Variants in PHF11 observed in about 807,000 individuals in gnomAD.
PHF11 encodes the protein BRCA1 C-terminus-associated protein.
Under a neutral mutation model 40.5 loss-of-function variants are expected in PHF11, and 38 were observed. The ratio of observed to expected loss-of-function variants is 0.94; its 90% CI spans 0.72 to 1.23. The LOEUF is 1.23. Among genes scored for constraint, PHF11 ranks in the 50% most tolerant of loss-of-function variants. PHF11 has a pLI of 0.00. For missense variants in PHF11, 369 were observed against 392.4 expected, an observed-to-expected ratio of 0.94 and a Z score of 0.50; for synonymous variants, 127 against 138.2, an observed-to-expected ratio of 0.92 and a Z score of 0.57.
Position 49,522,072 on chromosome 13 carries a change from G to T in PHF11, c.535G>T (p.Gly179Ter), listed in dbSNP as rs1321654219. 1 of 1,560,792 alleles carries T rather than the reference G, an allele frequency of 6.4e-7. No individual in the cohort carries two copies. The highest frequency in any genetic ancestry group is 1.1e-5 in the South Asian group (1 of 88,988). The change falls in exon 6 of 10, where the codon GGA (glycine) becomes TGA (stop). Residue 179 changes from glycine (G) to a stop codon, truncating the protein, a stop_gained. Transcript: ENST00000378319. LOFTEE classifies it high-confidence loss of function. Reference protein sequence around the residue: ...AKFSGVKRKRGRKKPLSGNHV... With the variant: ...AKFSGVKRKR ...ATTTTCAGGAGTGAAAAGAAAAAGA[G>T]GAAGGAAGAAACCCCTCTCAGGCAA... is the stretch of plus-strand genomic sequence containing the variant.
At chr13:49,526,877 G>A (rs954736404) in intron 9 of PHF11, among the ~76,000 whole-genome samples, 3 of 152,138 alleles carry the variant, frequency 2.0e-5, no homozygotes, top group African/African-American at 7.2e-5. Flanking sequence ...GGCAGGAGCT[G>A]GTAAAGCTTC....
At chr13:49,503,206 C>G (rs551070018) in intron 1 of PHF11, among the ~76,000 whole-genome samples, 1 of 152,192 alleles carries the variant, frequency 6.6e-6, no homozygotes, top group Non-Finnish European at 1.5e-5. Flanking sequence ...GGCTGCTTCC[C>G]TCTACAGTGT....
chr13:49,524,491 T>A (rs1444355882), intron 8 of PHF11, among the ~76,000 whole-genome samples: 1 of 150,788 alleles, frequency 6.6e-6, no homozygotes, highest in Non-Finnish European at 1.5e-5. Context: ...TTTTTTTTTT[T>A]AAGACGGAGT....
chr13:49,506,501 A>G (rs78529389), intron 1 of PHF11, 134 bp from the exon 2 acceptor site: 24 of 750,256 alleles, frequency 3.2e-5, no homozygotes, highest in African/African-American at 5.4e-5. Context: ...TGGGTCCCCA[A>G]TATTTTGTCT....
At chr13:49,512,222 T>G (rs1594210856) in intron 2 of PHF11, among the ~76,000 whole-genome samples, 1 of 152,266 alleles carries the variant, frequency 6.6e-6, no homozygotes, top group East Asian at 1.9e-4. Flanking sequence ...TGCCCACTTT[T>G]AATTGAATTG....
intron 4 of PHF11, among the ~76,000 whole-genome samples, chr13:49,518,997 G>A (rs1042488896): frequency 6.6e-6 from 1 of 151,752 alleles, no homozygotes; most frequent in South Asian, 2.1e-4. Flanking sequence ...TACCACGCCC[G>A]GCTAATTTTT....
At position 49,526,228 on chromosome 13, in the gene PHF11, C is replaced by T. The variant is rs1435995997; in HGVS notation, c.770-159C>T. The T allele has an allele frequency of 6.6e-5, 37 of 561,488 alleles. No homozygotes were observed. The Admixed American group carries it at 1.1e-3, about 17-fold the overall frequency. The allele number at this position is 561,488 out of a possible 1,614,324, so 34.8% of individuals were successfully genotyped here. A position where few individuals can be genotyped will look rare whatever the true frequency, so the allele number is the denominator to read the frequency against. ...ATGCCAAGAATTACATTTCTGACAG[C>T]TTCCCTGTAGTGCTGCTGCTGCTGT... On this transcript the variant is annotated intron_variant, in intron 8 of 9. Coordinates refer to ENST00000378319, the MANE Select transcript of PHF11 (RefSeq NM_001040443.3).
chr13:49,527,149 G>C (rs1292813166), intron 9 of PHF11: 2 of 152,150 alleles, frequency 1.3e-5, no homozygotes, highest in Non-Finnish European at 2.9e-5. Context: ...TTTGGAGGAG[G>C]GAGATTTAAC....
In PHF11 at chr13:49,526,407, G is replaced by A. The variant is rs1959279517; in HGVS notation, c.790G>A (p.Ala264Thr). The A allele has an allele frequency of 3.1e-6, 5 of 1,610,090 alleles. No homozygotes were observed. Among genetic ancestry groups the A allele is most frequent in the Non-Finnish European group, 4.2e-6 (5 of 1,176,560 alleles). ...TCCAGACTATGAAGAAATCGGGAGT[G>A]CACTTTTTGACTGTAGATTGTTCGA... ...SESDYEEIGS[A>T]LFDCRLFEDT... The change falls in exon 9 of 10, where the codon GCA becomes ACA. Residue 264 changes from alanine to threonine, a missense_variant. Transcript: ENST00000378319.
At chr13:49,497,101 C>T (rs759120488) in intron 1 of PHF11, 27 of 1,287,350 alleles carry the variant, frequency 2.1e-5, no homozygotes, top group African/African-American at 1.4e-4. Flanking sequence ...GTGTTCCCAG[C>T]AGAGAGGATG....
intron 1 of PHF11, among the ~76,000 whole-genome samples, chr13:49,501,458 G>A (rs1958907238): frequency 6.6e-6 from 1 of 152,134 alleles, no homozygotes; most frequent in African/African-American, 2.4e-5. Context: ...TTTCATCCTA[G>A]GGCAGGGGAC....
intron 4 of PHF11, among the ~76,000 whole-genome samples, chr13:49,519,115 G>T (rs1959175911): frequency 6.6e-6 from 1 of 151,968 alleles, no homozygotes; most frequent in Admixed American, 6.6e-5. Context: ...GATTACAGGC[G>T]TGAGCCACCG....
rs1197677391 is a variant in PHF11, at chr13:49,525,764, T to C, written c.770-623T>C. On this transcript the variant is annotated intron_variant, in intron 8 of 9. Coordinates refer to ENST00000378319, the MANE Select transcript of PHF11 (RefSeq NM_001040443.3). ...TTATTATACTATTTTATTCATTTAT[T>C]TCCTCTAGACCAAGCACTTCCCAAA... 6.6e-6 allele frequency: 3 copies of C among 454,018 alleles called. 1 individual carries two copies. The highest frequency in any genetic ancestry group is 4.7e-5 in the South Asian group (3 of 64,046). The allele number at this position is 454,018 out of a possible 1,614,324, so 28.1% of individuals were successfully genotyped here.
At chr13:49,507,248 A>T (rs1202463392) in intron 2 of PHF11, among the ~76,000 whole-genome samples, 2 of 152,070 alleles carry the variant, frequency 1.3e-5, no homozygotes, top group Non-Finnish European at 2.9e-5. Flanking sequence ...TCAGATTTAA[A>T]ATATAACAGA....
intron 3 of PHF11, among the ~76,000 whole-genome samples, chr13:49,515,971 T>C (rs990204157): frequency 6.6e-6 from 1 of 152,196 alleles, no homozygotes; most frequent in Admixed American, 6.5e-5. Context: ...CCATCTGTCT[T>C]GTCCTCGCTG....
rs370062515 is a variant in PHF11, at chr13:49,524,071, T to C, written c.638-14T>C. ...TAAGACTATTTCCTTCTCAAATGTT[T>C]GTCTTATTCTTAGATGCAACTGTGA... On this transcript the variant is annotated splice_polypyrimidine_tract_variant and intron_variant, in intron 7 of 9. Coordinates refer to ENST00000378319, the MANE Select transcript of PHF11 (RefSeq NM_001040443.3). 6.3e-7 allele frequency: 1 copy of C among 1,597,900 alleles called. No homozygotes were observed. Among genetic ancestry groups the C allele is most frequent in the Non-Finnish European group, 8.5e-7 (1 of 1,172,344 alleles).
At chr13:49,508,153 ATATAT>A (rs746557044) in intron 2 of PHF11, among the ~76,000 whole-genome samples, 5 of 135,398 alleles carry the variant, frequency 3.7e-5, no homozygotes, top group East Asian at 2.5e-4. Flanking sequence ...AGATGCATTC[ATATAT>A]TATATGTATT....
chr13:49,511,365 TGCCCAGGCTGGAGTGTGATGGC>T (rs1045599427), intron 2 of PHF11, among the ~76,000 whole-genome samples: 5 of 151,750 alleles, frequency 3.3e-5, no homozygotes, highest in African/African-American at 1.2e-4. Context: ...TCGCTTTTTT[TGCCCAGGCTGGAGTGTGATGGC>T]GCGATCTCGG....
At chr13:49,526,363 T>C in intron 8 of PHF11, 24 bp from the exon 9 acceptor site, 1 of 1,511,934 alleles carries the variant, frequency 6.6e-7, no homozygotes, top group Non-Finnish European at 9.2e-7. Context: ...CTGTTTAATA[T>C]TGAAAATGTT....
Sources: gnomAD v4.1 joint callset for allele counts (sites outside exome capture counted in the v4.1 genomes callset) on GRCh38, gnomAD v4.1.1 for gene constraint, MANE v1.5 for transcripts, NCBI Gene and HGNC (gene_info 2026-07-23, HGNC 2026-07-21) for gene names.